Variants in PIK3C2A observed in about 807,000 individuals in gnomAD.
PIK3C2A encodes phosphatidylinositol-4-phosphate 3-kinase catalytic subunit type 2 alpha.
A neutral mutation model predicts 204.5 loss-of-function variants in PIK3C2A; 97 were observed. That is an observed-to-expected ratio of 0.47 (90% confidence interval 0.40 to 0.56). PIK3C2A has a LOEUF of 0.56. Ranked by LOEUF, PIK3C2A falls within the 20% of genes least tolerant of loss-of-function variation. The probability of loss-of-function intolerance (pLI) is 0.00; values close to 1 mark genes in which losing one functional copy is unlikely to be tolerated. For missense variants in PIK3C2A, 1,735 were observed against 1,969.2 expected, an observed-to-expected ratio of 0.88 and a Z score of 2.25; for synonymous variants, 653 against 664.4, an observed-to-expected ratio of 0.98 and a Z score of 0.26.
chr11:17,168,992 A>C lies in PIK3C2A; in HGVS notation c.750T>G (p.Asp250Glu). 2 of 1,613,626 alleles carry C rather than the reference A, an allele frequency of 1.2e-6. No individual in the cohort carries two copies. The highest frequency in any genetic ancestry group is 1.7e-6 in the Non-Finnish European group (2 of 1,179,916). Residue 250 changes from aspartate (D) to glutamate (E), a missense_variant, in exon 2 of 33, where the codon GAT becomes GAG. Physicochemically the swap from Asp to Glu is conservative, Grantham distance 45. Around this residue, in one of 6 missense-constraint regions of PIK3C2A, gnomAD observed 536 missense variants for 546.7 expected, o/e 0.98. Transcript: ENST00000691414. ...ATACCTGTAGATTGCTGACTTTTGA[A>C]TCTGTTATCTCCAAATCAGTCCTTG... is the stretch of plus-strand genomic sequence containing the variant. ...GKARTDLEIT[D>E]SKVSNLQVSP...
rs777965073 is a variant in PIK3C2A at position 17,119,225 on chromosome 11, C to T, written c.2935G>A (p.Val979Ile). 1.9e-6 allele frequency: 3 copies of T among 1,575,760 alleles called. No individual in the cohort carries two copies. Among genetic ancestry groups the T allele is most frequent in the South Asian group, 1.1e-5 (1 of 89,126 alleles). The change falls in exon 17 of 33, where the codon GTA becomes ATA. Residue 979 changes from valine to isoleucine, a missense_variant. Physicochemically the swap from Val to Ile is conservative, Grantham distance 29 (BLOSUM62 3). This residue lies in a region of PIK3C2A where 567 missense variants were observed against 576.0 expected (regional missense o/e 0.98). Transcript: ENST00000691414. ...TAATCTAGTAAAAAACTCACTTGTACAAACTGTGGAAGAAGATCTGTTAGC... is the reference window on the plus strand; with the variant it reads ...TAATCTAGTAAAAAACTCACTTGTATAAACTGTGGAAGAAGATCTGTTAGC... ...DELTDLLPQF[V>I]QALKYEIYLN...
intron 1 of PIK3C2A, among the ~76,000 whole-genome samples, chr11:17,202,181 A>C (rs1369848899): frequency 6.7e-6 from 1 of 149,612 alleles, no homozygotes; most frequent in Non-Finnish European, 1.5e-5. Flanking sequence ...ACTTGAACCC[A>C]GGAGGCGGAG....
chr11:17,183,234 C>A (rs1173385497), intron 1 of PIK3C2A, among the ~76,000 whole-genome samples: 1 of 152,172 alleles, frequency 6.6e-6, no homozygotes, highest in Non-Finnish European at 1.5e-5. Context: ...GTTTCAGTCA[C>A]CCACAGTCAA....
chr11:17,145,804 T>A, intron 7 of PIK3C2A, 59 bp downstream of exon 7: 1 of 1,549,384 alleles, frequency 6.5e-7, no homozygotes. Context: ...CCAAAATAAG[T>A]GTATTTGCAT....
chr11:17,207,963 A>C lies in PIK3C2A; in HGVS notation c.-181T>G, dbSNP rs185023650. On this transcript the variant is annotated 5_prime_UTR_variant, in exon 1 of 33. Coordinates refer to ENST00000691414, the MANE Select transcript of PIK3C2A (RefSeq NM_002645.4). ...GCCGCCGAAAGCTTCGGCCGACTCC[A>C]CAGCCAGCCAAGCGCAGCACGTCAC... is the stretch of plus-strand genomic sequence containing the variant. 1 of 152,304 alleles carries C rather than the reference A, an allele frequency of 6.6e-6. No individual in the cohort carries two copies. Among genetic ancestry groups the C allele is most frequent in the African/African-American group, 2.4e-5 (1 of 41,460 alleles). 9.4% of individuals were successfully genotyped at this position (152,304 alleles called of 1,614,324 possible).
rs12288475 is a variant in PIK3C2A, at chr11:17,143,371, G to A, written c.1704+2297C>T. ...GCTATAAAAACCTTTCTAAATATTCGCTCTGAAACCAATCCCAACCTGAAA... is the reference window on the plus strand; with the variant it reads ...GCTATAAAAACCTTTCTAAATATTCACTCTGAAACCAATCCCAACCTGAAA... On this transcript the variant is annotated intron_variant, in intron 8 of 32. Coordinates refer to ENST00000691414, the MANE Select transcript of PIK3C2A (RefSeq NM_002645.4). Among the ~76,000 whole-genome samples the A allele has an allele frequency of 6.0e-3, 904 of 151,786 alleles. 18 individuals are homozygous for A. The highest frequency in any genetic ancestry group is 0.021 in the African/African-American group (861 of 41,356).
In PIK3C2A at chr11:17,171,894, T is replaced by C. The variant is rs115188854; in HGVS notation, c.-65-2088A>G. ...GATTACAGGCATGATCCACTGTGCC[T>C]GGCTCTTACAATTTACTTTGAAATG... On this transcript the variant is annotated intron_variant, in intron 1 of 32. Transcript: ENST00000691414. 4.4e-3 allele frequency among the ~76,000 whole-genome samples: 663 copies of C among 152,302 alleles called. 9 individuals carry two copies. Among genetic ancestry groups the C allele is most frequent in the African/African-American group, 0.015 (644 of 41,564 alleles).
chr11:17,118,918 G>A (rs1462245220), intron 17 of PIK3C2A, among the ~76,000 whole-genome samples, 179 bp from the exon 18 acceptor site: 1 of 152,080 alleles, frequency 6.6e-6, no homozygotes, highest in Non-Finnish European at 1.5e-5. Context: ...AAACACAAAA[G>A]TATAGAGTAA....
Position 17,112,568 on chromosome 11 carries a change from A to T in PIK3C2A, c.3414+6T>A. The T allele has an allele frequency of 7.4e-7, 1 of 1,353,184 alleles. No individual in the cohort carries two copies. The highest frequency in any genetic ancestry group is 1.0e-6 in the Non-Finnish European group (1 of 976,740). 83.8% of individuals were successfully genotyped at this position (1,353,184 alleles called of 1,614,324 possible). A position where few individuals can be genotyped will look rare whatever the true frequency, so the allele number is the denominator to read the frequency against. On this transcript the variant is annotated splice_donor_region_variant and intron_variant, in intron 21 of 32. Coordinates refer to ENST00000691414, the MANE Select transcript of PIK3C2A (RefSeq NM_002645.4). The stretch of plus-strand genomic sequence containing the variant: ...CCATTAAAAAACAGTAACATTATTT[A>T]CTCACCTTAAACATGACATTAATTT...
chr11:17,145,622 G>A (rs751821531), intron 8 of PIK3C2A, 46 bp downstream of exon 8: 1 of 1,098,904 alleles, frequency 9.1e-7, no homozygotes, highest in Admixed American at 1.9e-5. Flanking sequence ...GAAAGAAGCA[G>A]CAAGAATCTT....
intron 1 of PIK3C2A, among the ~76,000 whole-genome samples, chr11:17,181,504 T>C (rs1252628398): frequency 6.6e-6 from 1 of 151,260 alleles, no homozygotes; most frequent in Non-Finnish European, 1.5e-5. Context: ...GGGTGTGGCA[T>C]GCCCGTAGTC....
intron 12 of PIK3C2A, among the ~76,000 whole-genome samples, chr11:17,130,415 A>G (rs1233070937): frequency 1.3e-5 from 2 of 152,248 alleles, no homozygotes; most frequent in Non-Finnish European, 2.9e-5. Context: ...AAAAGAAAAT[A>G]AGACAATAGG....
intron 1 of PIK3C2A, among the ~76,000 whole-genome samples, chr11:17,198,280 T>C (rs1457822432): frequency 6.6e-6 from 1 of 152,062 alleles, no homozygotes; most frequent in Non-Finnish European, 1.5e-5. Context: ...CGGCTGATTT[T>C]TGTATTTTTA....
chr11:17,125,457 G>A (rs1363171862), intron 13 of PIK3C2A, among the ~76,000 whole-genome samples: 1 of 152,074 alleles, frequency 6.6e-6, no homozygotes, highest in Admixed American at 6.6e-5. Flanking sequence ...TTCAGCATGG[G>A]TTGCAAAATT....
intron 20 of PIK3C2A, 138 bp from the exon 21 acceptor site, chr11:17,112,804 G>T (rs1849042880): frequency 2.4e-6 from 1 of 415,826 alleles, no homozygotes. Context: ...ATTTCTGTTA[G>T]AGACAGCGTC....
intron 8 of PIK3C2A, among the ~76,000 whole-genome samples, chr11:17,142,571 T>C (rs994396781): frequency 6.6e-6 from 1 of 152,094 alleles, no homozygotes; most frequent in Non-Finnish European, 1.5e-5. Flanking sequence ...TCTTAACACT[T>C]TGGGAGGCCG....
At chr11:17,099,725 T>G in intron 26 of PIK3C2A, 135 bp downstream of exon 26, 2 of 514,960 alleles carry the variant, frequency 3.9e-6, no homozygotes, top group Non-Finnish European at 6.9e-6. Flanking sequence ...GACAGCCTAC[T>G]ATGTGCAATT....
At chr11:17,134,668 T>C (rs1444587426) in intron 11 of PIK3C2A, 151 bp downstream of exon 11, 5 of 632,148 alleles carry the variant, frequency 7.9e-6, no homozygotes, top group Non-Finnish European at 1.4e-5. Flanking sequence ...ACTGGCTAAT[T>C]TTTTTAAAAT....
Position 17,169,396 on chromosome 11 carries a change from C to T in PIK3C2A, c.346G>A (p.Val116Ile). 2.5e-6 allele frequency: 4 copies of T among 1,614,074 alleles called. No individual in the cohort carries two copies. The highest frequency in any genetic ancestry group is 3.4e-6 in the Non-Finnish European group (4 of 1,179,942). The change falls in exon 2 of 33, where the codon GTA becomes ATA. Residue 116 changes from valine to isoleucine, a missense_variant. By Grantham distance (29) the Val-to-Ile change is conservative. Around this residue, in one of 6 missense-constraint regions of PIK3C2A, gnomAD observed 536 missense variants for 546.7 expected, o/e 0.98. Transcript: ENST00000691414. ...DDSFETKKTP[V>I]LPVTPILSPS... ...CTCAGAATAGGAGTAACTGGTAATACAGGTGTTTTTTTAGTCTCGAAACTG... is the reference window on the plus strand; with the variant it reads ...CTCAGAATAGGAGTAACTGGTAATATAGGTGTTTTTTTAGTCTCGAAACTG...
Sources: allele counts gnomAD v4.1 joint callset (sites outside exome capture counted in the v4.1 genomes callset), GRCh38; gene constraint gnomAD v4.1.1; regional missense constraint gnomAD v4.1.1; transcripts MANE v1.5; gene names NCBI Gene and HGNC (gene_info 2026-07-23, HGNC 2026-07-21).